GRIP1: variants seen among roughly 807,000 people sequenced by gnomAD.
GRIP1 encodes the protein glutamate receptor interacting protein 1, also known as glutamate receptor-interacting protein 1.
GRIP1 carries 45 observed loss-of-function variants against 129.9 expected under a neutral mutation model. The observed-to-expected ratio is 0.35, with a 90% CI of 0.27 to 0.44. GRIP1 has a LOEUF of 0.44. Among genes scored for constraint, GRIP1 ranks in the 20% least tolerant of loss-of-function variants. GRIP1 has a pLI of 1.00. For missense variants in GRIP1, 1,196 were observed against 1,396.8 expected, an observed-to-expected ratio of 0.86 and a Z score of 2.29; for synonymous variants, 530 against 520.8, an observed-to-expected ratio of 1.02 and a Z score of -0.24.
At chr12:66,409,813 A>T (rs1433795320) in intron 15 of GRIP1, among the ~76,000 whole-genome samples, 1 of 152,232 alleles carries the variant, frequency 6.6e-6, no homozygotes, top group Non-Finnish European at 1.5e-5. Flanking sequence ...ACAGATCATA[A>T]ATTCAGAATC....
chr12:66,766,766 G>A (rs2037653935), intron 1 of GRIP1, among the ~76,000 whole-genome samples: 1 of 152,138 alleles, frequency 6.6e-6, no homozygotes, highest in Non-Finnish European at 1.5e-5. Context: ...TTATAAATTT[G>A]TTAGTGACAT....
intron 7 of GRIP1, among the ~76,000 whole-genome samples, chr12:66,514,414 C>T (rs903629249): frequency 6.6e-6 from 1 of 152,058 alleles, no homozygotes; most frequent in South Asian, 2.1e-4. Context: ...AAATAAGGCA[C>T]AGGGAAATCA....
chr12:66,916,433 T>C (rs191328993), intron 1 of GRIP1, among the ~76,000 whole-genome samples: 2 of 152,266 alleles, frequency 1.3e-5, no homozygotes, highest in East Asian at 3.9e-4. Context: ...AATTCAGCTC[T>C]CCTGGGAAGT....
chr12:66,512,018 G>T (rs909764212), intron 7 of GRIP1, among the ~76,000 whole-genome samples: 3 of 152,074 alleles, frequency 2.0e-5, no homozygotes, highest in Non-Finnish European at 4.4e-5. Context: ...AGATCTGATG[G>T]TTTAAAAGTG....
intron 1 of GRIP1, among the ~76,000 whole-genome samples, chr12:66,891,598 G>A (rs770263725): frequency 5.9e-5 from 9 of 152,316 alleles, no homozygotes; most frequent in Middle Eastern, 6.8e-3. Flanking sequence ...TGGGAGGGAT[G>A]AGCCTCTGTT....
chr12:67,069,050 C>T, exon 1 of GRIP1: 1 of 983,792 alleles, frequency 1.0e-6, no homozygotes, highest in Non-Finnish European at 1.2e-6. Context: ...CCTGGCTCAC[C>T]TCTCTCCTGC....
At position 66,377,434 on chromosome 12, in the gene GRIP1, TCTC is replaced by T. The variant is rs1194003479; in HGVS notation, c.2622-152_2622-150del. The stretch of plus-strand genomic sequence containing the variant: ...GCTCCGCCTCCCGGGTTCACACCAT[TCTC>T]CTGCCTCAGCCTCCCGAGTAGCTGG... On this transcript the variant is annotated intron_variant, in intron 20 of 24. Transcript: ENST00000359742. The T allele has an allele frequency of 1.5e-5, 10 of 668,972 alleles. No homozygotes were observed. The Admixed American group carries it at 2.0e-4, about 13-fold the overall frequency. 41.4% of individuals were successfully genotyped at this position (668,972 alleles called of 1,614,324 possible).
At chr12:66,652,465 T>A (rs539211737) in intron 1 of GRIP1, among the ~76,000 whole-genome samples, 3 of 152,332 alleles carry the variant, frequency 2.0e-5, no homozygotes, top group African/African-American at 7.2e-5. Flanking sequence ...CTTTACAAAT[T>A]ACCTTGGGTA....
intron 1 of GRIP1, among the ~76,000 whole-genome samples, chr12:67,051,864 C>T (rs750467496): frequency 6.6e-6 from 1 of 152,182 alleles, no homozygotes. Context: ...TTTGCAGGTT[C>T]TCTATACTGA....
upstream of GRIP1, among the ~76,000 whole-genome samples, chr12:66,683,413 A>G (rs1365057990): frequency 2.0e-5 from 3 of 152,172 alleles, no homozygotes; most frequent in Non-Finnish European, 4.4e-5. Context: ...TTAAAAAAGC[A>G]AGACCCAATT....
intron 13 of GRIP1, among the ~76,000 whole-genome samples, chr12:66,437,605 G>C (rs1472264100): frequency 6.6e-6 from 1 of 152,122 alleles, no homozygotes; most frequent in Non-Finnish European, 1.5e-5. Context: ...TATTTTTTAG[G>C]AGCTCAAATT....
chr12:67,019,923 AAAGTT>A (rs1365102176), intron 1 of GRIP1, among the ~76,000 whole-genome samples: 1 of 152,162 alleles, frequency 6.6e-6, no homozygotes, highest in African/African-American at 2.4e-5. Context: ...TAATACCTCA[AAAGTT>A]AAGACTTATA....
intron 1 of GRIP1, among the ~76,000 whole-genome samples, chr12:66,920,125 G>C (rs1054960473): frequency 2.0e-5 from 3 of 152,154 alleles, no homozygotes; most frequent in African/African-American, 4.8e-5. Context: ...AAAACACATA[G>C]AGATTATCAA....
At chr12:66,955,125 T>C (rs1482457281) in intron 1 of GRIP1, among the ~76,000 whole-genome samples, 1 of 152,192 alleles carries the variant, frequency 6.6e-6, no homozygotes, top group Non-Finnish European at 1.5e-5. Flanking sequence ...ACACACATTA[T>C]ACATAAACCA....
intron 1 of GRIP1, among the ~76,000 whole-genome samples, chr12:66,954,524 C>A (rs2041809693): frequency 6.6e-6 from 1 of 152,126 alleles, no homozygotes; most frequent in East Asian, 1.9e-4. Context: ...GGTGGGGAGA[C>A]CATCAGTCAG....
At chr12:66,617,556 A>C (rs553689853) in intron 1 of GRIP1, among the ~76,000 whole-genome samples, 13 of 152,214 alleles carry the variant, frequency 8.5e-5, no homozygotes, top group African/African-American at 2.6e-4. Context: ...GGATGATCTG[A>C]ATATCCCACT....
At chr12:66,764,121 A>T (rs752293930) in intron 1 of GRIP1, among the ~76,000 whole-genome samples, 1 of 152,214 alleles carries the variant, frequency 6.6e-6, no homozygotes. Context: ...TCAAAACTAG[A>T]TATAAACAAT....
At chr12:67,062,546 AC>A (rs1372128871) in intron 1 of GRIP1, among the ~76,000 whole-genome samples, 1 of 144,992 alleles carries the variant, frequency 6.9e-6, no homozygotes, top group Non-Finnish European at 1.5e-5. Context: ...CTTCCCACCC[AC>A]CCCCAGCACA....
intron 1 of GRIP1, among the ~76,000 whole-genome samples, chr12:66,909,547 C>A (rs2040994620): frequency 6.6e-6 from 1 of 152,178 alleles, no homozygotes; most frequent in Non-Finnish European, 1.5e-5. Context: ...TCTTCCCTGA[C>A]CTTGCTGCCT....
Sources: gnomAD v4.1 joint callset for allele counts (sites outside exome capture counted in the v4.1 genomes callset) on GRCh38, gnomAD v4.1.1 for gene constraint, MANE v1.5 for transcripts, NCBI Gene and HGNC (gene_info 2026-07-23, HGNC 2026-07-21) for gene names.